Variants in SBF2 observed in about 807,000 individuals in gnomAD.
The protein encoded by SBF2 is SET binding factor 2, also known as myotubularin-related protein 13.
In SBF2, 112 loss-of-function variants were observed where a neutral mutation model predicts 225.2. The observed-to-expected ratio is 0.50, with a 90% CI of 0.43 to 0.58. The LOEUF (loss-of-function observed/expected upper bound fraction) is 0.58. Ranked by LOEUF, SBF2 falls within the 20% of genes least tolerant of loss-of-function variation. The probability of loss-of-function intolerance (pLI) is 0.00; values close to 1 mark genes in which losing one functional copy is unlikely to be tolerated. For synonymous variants in SBF2, 763 were observed against 773.3 expected (o/e 0.99, Z 0.22); for missense variants, 1,996 against 2,206.2 (o/e 0.90, Z 1.91).
chr11:10,007,295 A>G (rs531611726), intron 6 of SBF2, among the ~76,000 whole-genome samples: 2 of 152,204 alleles, frequency 1.3e-5, no homozygotes, highest in South Asian at 4.2e-4. Context: ...CTCTTCACAG[A>G]TGGGTAACTG....
intron 1 of SBF2, among the ~76,000 whole-genome samples, chr11:10,288,123 G>A (rs1963920461): frequency 6.6e-6 from 1 of 152,216 alleles, no homozygotes; most frequent in Admixed American, 6.5e-5. Context: ...CTAGCTTGGG[G>A]AGCTCCCAGG....
intron 1 of SBF2, among the ~76,000 whole-genome samples, chr11:10,269,417 A>G (rs1962282128): frequency 6.6e-6 from 1 of 152,182 alleles, no homozygotes; most frequent in African/African-American, 2.4e-5. Flanking sequence ...TAGGACTGAA[A>G]CTTTCCCTGG....
intron 26 of SBF2, chr11:9,838,320 C>G (rs1855868748): frequency 6.6e-6 from 1 of 151,592 alleles, no homozygotes; most frequent in Non-Finnish European, 1.5e-5. Context: ...AATAAGTCAT[C>G]TATTAAAATT....
At chr11:10,146,236 G>A (rs1280700408) in intron 2 of SBF2, among the ~76,000 whole-genome samples, 1 of 151,986 alleles carries the variant, frequency 6.6e-6, no homozygotes, top group African/African-American at 2.4e-5. Flanking sequence ...AAATTCATAT[G>A]GAACCAAAAA....
chr11:9,798,620 A>G (rs901971209), intron 32 of SBF2, among the ~76,000 whole-genome samples: 2 of 152,296 alleles, frequency 1.3e-5, no homozygotes, highest in East Asian at 1.9e-4. Context: ...CCAGTCTACA[A>G]TATGTTCTAA....
chr11:10,047,093 A>G (rs1425649486), intron 2 of SBF2, among the ~76,000 whole-genome samples: 1 of 152,156 alleles, frequency 6.6e-6, no homozygotes, highest in African/African-American at 2.4e-5. Flanking sequence ...TATATAAGGA[A>G]AACTATAACA....
intron 28 of SBF2, among the ~76,000 whole-genome samples, chr11:9,825,423 G>GT (rs1298485816): frequency 6.6e-6 from 1 of 152,168 alleles, no homozygotes; most frequent in Non-Finnish European, 1.5e-5. Context: ...TGAGACAATA[G>GT]TTGTTTAAGC....
Position 10,273,086 on chromosome 11 carries a change from T to A in SBF2, c.55+20929A>T, listed in dbSNP as rs532567483. ...CTCCGTCTCCGAAAAAAAAAATAAA[T>A]AAATAAATAAATAAATGAATAAATA... On this transcript the variant is annotated intron_variant, in intron 1 of 39. Transcript: ENST00000256190. 1.4e-3 allele frequency among the ~76,000 whole-genome samples: 201 copies of A among 145,878 alleles called. 4 individuals carry two copies. The highest frequency in any genetic ancestry group is 2.8e-3 in the Admixed American group (41 of 14,830).
At chr11:10,189,720 C>T (rs772056149) in intron 2 of SBF2, among the ~76,000 whole-genome samples, 1 of 152,158 alleles carries the variant, frequency 6.6e-6, no homozygotes, top group Non-Finnish European at 1.5e-5. Flanking sequence ...AATTTATTTA[C>T]TACAGTACTT....
In SBF2 at chr11:9,959,399, T is replaced by C. The variant is rs1866411531; in HGVS notation, c.1860+2558A>G. 3 of 848,446 alleles carry C rather than the reference T, an allele frequency of 3.5e-6. No homozygotes were observed. The African/African-American group carries it at 5.0e-5, about 14-fold the overall frequency. The allele number at this position is 848,446 out of a possible 1,614,324, so 52.6% of individuals were successfully genotyped here. ...GTGCCCGTCTGTCCCCATGAGATTA[T>C]ATATTCCTGCTCCATGCCAAACCAG... On this transcript the variant is annotated intron_variant, in intron 16 of 39. Coordinates refer to ENST00000256190, the MANE Select transcript of SBF2 (RefSeq NM_030962.4).
At chr11:9,969,738 A>G (rs143140498) in intron 13 of SBF2, among the ~76,000 whole-genome samples, 2 of 152,262 alleles carry the variant, frequency 1.3e-5, no homozygotes, top group Non-Finnish European at 2.9e-5. Context: ...ATTTTTCTCT[A>G]TATCACTTAT....
chr11:10,276,905 G>A (rs6484152), intron 1 of SBF2, among the ~76,000 whole-genome samples: 74,605 of 151,822 alleles, frequency 0.49, 18,679 homozygotes, highest in Non-Finnish European at 0.54. Context: ...GTTAGAACAA[G>A]GAACACAACA....
intron 16 of SBF2, among the ~76,000 whole-genome samples, chr11:9,952,466 T>C (rs1043152654): frequency 2.6e-5 from 4 of 152,126 alleles, no homozygotes; most frequent in African/African-American, 7.2e-5. Flanking sequence ...CCTGAGCCTT[T>C]TGGGGTTTTG....
chr11:9,957,875 C>T (rs1270786347), intron 16 of SBF2: 2 of 151,920 alleles, frequency 1.3e-5, no homozygotes, highest in Non-Finnish European at 2.9e-5. Flanking sequence ...TTATACTAAG[C>T]TTTGTGTTCA....
chr11:10,247,095 C>A (rs1049024499), intron 1 of SBF2, among the ~76,000 whole-genome samples: 1 of 152,050 alleles, frequency 6.6e-6, no homozygotes, highest in African/African-American at 2.4e-5. Context: ...AAAGGGAAGA[C>A]AGAAATCACA....
chr11:10,026,482 G>C (rs189903357), intron 6 of SBF2, among the ~76,000 whole-genome samples: 4 of 152,130 alleles, frequency 2.6e-5, no homozygotes, highest in Non-Finnish European at 4.4e-5. Flanking sequence ...TATAATCCCA[G>C]CTCTTTGGGA....
intron 2 of SBF2, among the ~76,000 whole-genome samples, chr11:10,145,034 C>T (rs79351483): frequency 0.076 from 11,607 of 152,216 alleles, 635 homozygotes; most frequent in East Asian, 0.28. Flanking sequence ...TTAAGGATCA[C>T]CTTATCATGG....
At chr11:10,106,671 C>T (rs566831113) in intron 2 of SBF2, among the ~76,000 whole-genome samples, 28 of 141,794 alleles carry the variant, frequency 2.0e-4, no homozygotes, top group Non-Finnish European at 3.5e-4. Flanking sequence ...AAAAAACTAA[C>T]GAAATTGTTA....
At chr11:9,908,585 C>G (rs568063658) in intron 16 of SBF2, among the ~76,000 whole-genome samples, 135 of 152,320 alleles carry the variant, frequency 8.9e-4, no homozygotes, top group African/African-American at 2.9e-3. Flanking sequence ...CGAGATCACG[C>G]TACTGCACTC....
Sources: allele counts gnomAD v4.1 joint callset (sites outside exome capture counted in the v4.1 genomes callset), GRCh38; gene constraint gnomAD v4.1.1; transcripts MANE v1.5; gene names NCBI Gene and HGNC (gene_info 2026-07-23, HGNC 2026-07-21).